AKAP6: variants seen among roughly 807,000 people sequenced by gnomAD.
AKAP6 encodes A-kinase anchor protein 6.
AKAP6 carries 58 observed loss-of-function variants against 188.5 expected under a neutral mutation model. The observed-to-expected ratio is 0.31, with a 90% CI of 0.25 to 0.38. The LOEUF (loss-of-function observed/expected upper bound fraction) is 0.38. Ranked by LOEUF, AKAP6 falls within the 10% of genes least tolerant of loss-of-function variation. The pLI, the probability that AKAP6 is intolerant of heterozygous loss-of-function variation, is 1.00. For missense variants in AKAP6, 2,710 were observed against 2,740.0 expected (o/e 0.99, Z 0.24); for synonymous variants, 989 against 998.6 (o/e 0.99, Z 0.18).
intron 2 of AKAP6, among the ~76,000 whole-genome samples, chr14:32,465,974 A>G (rs1397836089): frequency 6.6e-6 from 1 of 152,250 alleles, no homozygotes; most frequent in Non-Finnish European, 1.5e-5. Context: ...ACATATGAAA[A>G]AAGCTCATCA....
At chr14:32,705,919 C>A (rs551031126) in intron 9 of AKAP6, among the ~76,000 whole-genome samples, 2 of 152,238 alleles carry the variant, frequency 1.3e-5, no homozygotes, top group South Asian at 4.1e-4. Context: ...GGCCATTAAG[C>A]CTTCTACCTG....
chr14:32,340,034 C>A (rs1886841471), intron 1 of AKAP6, among the ~76,000 whole-genome samples: 1 of 150,594 alleles, frequency 6.6e-6, no homozygotes, highest in Admixed American at 6.6e-5. Flanking sequence ...TTTTAGAATG[C>A]CTTTTTCTTT....
At chr14:32,430,992 C>T (rs934638775) in intron 1 of AKAP6, among the ~76,000 whole-genome samples, 1 of 151,976 alleles carries the variant, frequency 6.6e-6, no homozygotes, top group Admixed American at 6.6e-5. Context: ...GTAGACCCAG[C>T]TACCTGGGGG....
chr14:32,362,231 C>A (rs1887688330), intron 1 of AKAP6, among the ~76,000 whole-genome samples: 1 of 152,248 alleles, frequency 6.6e-6, no homozygotes, highest in Non-Finnish European at 1.5e-5. Context: ...CAACAATCTT[C>A]AGCAGTGGTA....
Position 32,546,433 on chromosome 14 carries a change from C to G in AKAP6, c.1780C>G (p.Pro594Ala), listed in dbSNP as rs924278604. ...TGTTGGCTCAGACAACATCATGTCT[C>G]CGGTGCCACTTCTTTCAAAACACAA... is the stretch of plus-strand genomic sequence containing the variant. Reference protein sequence around the residue: ...SSVGSDNIMSPVPLLSKHKSK... With the variant: ...SSVGSDNIMSAVPLLSKHKSK... Residue 594 changes from proline (P) to alanine (A), a missense_variant, in exon 4 of 14, where the codon CCG becomes GCG. Around this residue, in one of 2 missense-constraint regions of AKAP6, gnomAD observed 2,473 missense variants for 2,426.1 expected, o/e 1.02. Coordinates refer to ENST00000280979, the MANE Select transcript of AKAP6 (RefSeq NM_004274.5). The G allele has an allele frequency of 6.2e-7, 1 of 1,614,176 alleles. No individual in the cohort carries two copies. The highest frequency in any genetic ancestry group is 1.3e-5 in the African/African-American group (1 of 75,046).
At chr14:32,727,206 A>G (rs2030916470) in intron 9 of AKAP6, among the ~76,000 whole-genome samples, 2 of 152,228 alleles carry the variant, frequency 1.3e-5, no homozygotes, top group African/African-American at 4.8e-5. Context: ...CATGGGAAGG[A>G]AAGAAAGGAG....
At chr14:32,485,312 G>A (rs145263323) in intron 2 of AKAP6, among the ~76,000 whole-genome samples, 5 of 151,914 alleles carry the variant, frequency 3.3e-5, no homozygotes, top group East Asian at 3.9e-4. Flanking sequence ...ATTTATAATC[G>A]TTTGAGTATA....
chr14:32,422,030 C>T (rs1183055637), intron 1 of AKAP6, among the ~76,000 whole-genome samples: 1 of 152,178 alleles, frequency 6.6e-6, no homozygotes, highest in Admixed American at 6.5e-5. Flanking sequence ...GGTAATAAAC[C>T]TCCAGTCTTC....
At chr14:32,826,274 G>A (rs1339258534) in intron 13 of AKAP6, among the ~76,000 whole-genome samples, 2 of 152,134 alleles carry the variant, frequency 1.3e-5, no homozygotes, top group African/African-American at 4.8e-5. Context: ...CTGTGTTTCA[G>A]ACTCTATTTA....
At chr14:32,422,797 C>A (rs1889895290) in intron 1 of AKAP6, among the ~76,000 whole-genome samples, 1 of 142,320 alleles carries the variant, frequency 7.0e-6, no homozygotes, top group Non-Finnish European at 1.6e-5. Context: ...GGAGCTGGGG[C>A]AAAGGCCCAA....
chr14:32,745,223 G>A (rs2031845238), intron 11 of AKAP6, among the ~76,000 whole-genome samples: 1 of 152,020 alleles, frequency 6.6e-6, no homozygotes, highest in Non-Finnish European at 1.5e-5. Context: ...TACTGTCTGG[G>A]CTTGTTTGTA....
At chr14:32,480,343 G>T (rs936030170) in intron 2 of AKAP6, among the ~76,000 whole-genome samples, 1 of 152,194 alleles carries the variant, frequency 6.6e-6, no homozygotes, top group African/African-American at 2.4e-5. Flanking sequence ...ATTCTCTAAT[G>T]TGGGATCTTG....
rs2034870273 is a variant in AKAP6 at position 32,835,890 on chromosome 14, G to C, written c.*6085G>C. On this transcript the variant is annotated 3_prime_UTR_variant, in exon 14 of 14. Coordinates refer to ENST00000280979, the MANE Select transcript of AKAP6 (RefSeq NM_004274.5). ...CTATATAACAATGGCCCTTTAGTTT[G>C]AGAGTTGCCACATATTTGCATTTCC... 6.6e-6 allele frequency: 1 copy of C among 152,202 alleles called. No individual in the cohort carries two copies. Among genetic ancestry groups the C allele is most frequent in the African/African-American group, 2.4e-5 (1 of 41,456 alleles). 9.4% of individuals were successfully genotyped at this position (152,202 alleles called of 1,614,324 possible).
chr14:32,813,360 G>A (rs1193441626), intron 12 of AKAP6, among the ~76,000 whole-genome samples: 1 of 150,070 alleles, frequency 6.7e-6, no homozygotes, highest in Admixed American at 6.7e-5. Flanking sequence ...TGTTCAAGAA[G>A]AGTAGTTACA....
intron 1 of AKAP6, among the ~76,000 whole-genome samples, chr14:32,332,135 C>G (rs980284364): frequency 3.3e-5 from 5 of 151,926 alleles, no homozygotes; most frequent in African/African-American, 1.2e-4. Flanking sequence ...AAAACCAGTC[C>G]TTAGCCAGGC....
intron 5 of AKAP6, among the ~76,000 whole-genome samples, chr14:32,581,854 T>C (rs1388392616): frequency 6.6e-6 from 1 of 152,210 alleles, no homozygotes; most frequent in Non-Finnish European, 1.5e-5. Context: ...TTGGTAGATC[T>C]TCCTCCATCC....
At chr14:32,580,010 T>C (rs1008965787) in intron 5 of AKAP6, among the ~76,000 whole-genome samples, 1 of 152,116 alleles carries the variant, frequency 6.6e-6, no homozygotes, top group Non-Finnish European at 1.5e-5. Flanking sequence ...GGTTTATTAA[T>C]GTGTTAGACT....
intron 4 of AKAP6, among the ~76,000 whole-genome samples, chr14:32,552,465 A>C (rs1016556561): frequency 6.6e-6 from 1 of 152,182 alleles, no homozygotes; most frequent in Non-Finnish European, 1.5e-5. Flanking sequence ...AGAGAGAAAG[A>C]GATACTAAAT....
At chr14:32,386,931 T>C (rs755288617) in intron 1 of AKAP6, among the ~76,000 whole-genome samples, 4 of 152,170 alleles carry the variant, frequency 2.6e-5, no homozygotes, top group Non-Finnish European at 5.9e-5. Context: ...TTTGGGTTTA[T>C]TTATGGATTC....
Sources: gnomAD v4.1 joint callset for allele counts (sites outside exome capture counted in the v4.1 genomes callset) on GRCh38, gnomAD v4.1.1 for gene constraint, gnomAD v4.1.1 regional missense constraint, MANE v1.5 for transcripts, NCBI Gene and HGNC (gene_info 2026-07-23, HGNC 2026-07-21) for gene names.